MNAT1: variants seen among roughly 807,000 people sequenced by gnomAD.
The protein encoded by MNAT1 is MNAT1 component of CDK activating kinase, also known as CDK-activating kinase assembly factor MAT1.
In MNAT1, 43 loss-of-function variants were observed where a neutral mutation model predicts 42.0. The observed-to-expected ratio is 1.02, with a 90% confidence interval of 0.80 to 1.32. The LOEUF is 1.32. Ranked by LOEUF, MNAT1 falls within the 40% of genes most tolerant of loss-of-function variation. MNAT1 has a pLI of 0.00. For missense variants in MNAT1, 306 were observed against 350.4 expected (o/e 0.87, Z 1.01); for synonymous variants, 118 against 120.0 (o/e 0.98, Z 0.11).
chr14:60,922,243 A>G (rs1229908690), intron 7 of MNAT1, among the ~76,000 whole-genome samples: 1 of 152,168 alleles, frequency 6.6e-6, no homozygotes, highest in South Asian at 2.1e-4. Flanking sequence ...GTGAGTCAGA[A>G]TATAATGGAC....
intron 1 of MNAT1, among the ~76,000 whole-genome samples, chr14:60,737,851 C>CTT (rs774334245): frequency 1.6e-4 from 22 of 140,324 alleles, no homozygotes; most frequent in African/African-American, 3.1e-4. Flanking sequence ...AAACCCTATC[C>CTT]TTTTTTTTTT....
intron 1 of MNAT1, among the ~76,000 whole-genome samples, chr14:60,790,276 C>G: frequency 6.6e-6 from 1 of 152,126 alleles, no homozygotes; most frequent in East Asian, 1.9e-4. Context: ...AGGGAAAAGT[C>G]AAGCTGGGAA....
intron 6 of MNAT1, among the ~76,000 whole-genome samples, chr14:60,855,167 C>G (rs1437195950): frequency 6.6e-6 from 1 of 152,176 alleles, no homozygotes; most frequent in Non-Finnish European, 1.5e-5. Flanking sequence ...CTCCCCGCAC[C>G]AAGCTCGACT....
At chr14:60,816,920 C>T (rs1250266478) in intron 5 of MNAT1, among the ~76,000 whole-genome samples, 1 of 151,942 alleles carries the variant, frequency 6.6e-6, no homozygotes, top group Non-Finnish European at 1.5e-5. Context: ...TTTACCAAGA[C>T]ACTTTAACAT....
chr14:60,875,523 T>G (rs2034418363), intron 6 of MNAT1, among the ~76,000 whole-genome samples: 1 of 152,140 alleles, frequency 6.6e-6, no homozygotes, highest in Admixed American at 6.6e-5. Context: ...TAAAGTATGA[T>G]TAAGTACCAT....
intron 6 of MNAT1, among the ~76,000 whole-genome samples, chr14:60,853,483 A>C (rs948451788): frequency 6.6e-6 from 1 of 152,202 alleles, no homozygotes; most frequent in Non-Finnish European, 1.5e-5. Context: ...CAATCATGTC[A>C]TCTGCAAACA....
At position 60,804,599 on chromosome 14, in the gene MNAT1, C is replaced by G. The variant is rs555971477; in HGVS notation, c.317-3726C>G. Reference sequence around the variant, plus strand: ...AAAGTGCAGTGGTACTATCATAGCTCGCTGTAGCTTGAAACTCCTGGGCTC... The same window carrying G: ...AAAGTGCAGTGGTACTATCATAGCTGGCTGTAGCTTGAAACTCCTGGGCTC... On this transcript the variant is annotated intron_variant, in intron 3 of 7. Coordinates refer to ENST00000261245, the MANE Select transcript of MNAT1 (RefSeq NM_002431.4). Among the ~76,000 whole-genome samples the G allele has an allele frequency of 5.6e-4, 86 of 152,214 alleles. 2 individuals carry two copies. In the South Asian group the frequency reaches 0.017, roughly 30 times the overall value.
At chr14:60,744,193 A>ATGATCTTGGCT (rs1896551049) in intron 1 of MNAT1, among the ~76,000 whole-genome samples, 1 of 150,722 alleles carries the variant, frequency 6.6e-6, no homozygotes, top group South Asian at 2.1e-4. Flanking sequence ...GTGCAGTGGC[A>ATGATCTTGGCT]TGATCTTGGC....
intron 6 of MNAT1, among the ~76,000 whole-genome samples, chr14:60,855,510 G>C (rs1042257226): frequency 2.0e-5 from 3 of 152,170 alleles, no homozygotes; most frequent in African/African-American, 7.2e-5. Context: ...TGTAGTATCT[G>C]GGCTGGATAG....
intron 3 of MNAT1, among the ~76,000 whole-genome samples, chr14:60,805,238 T>TA (rs1407913207): frequency 2.0e-5 from 3 of 152,046 alleles, no homozygotes; most frequent in Non-Finnish European, 4.4e-5. Context: ...TTTTTAAAAG[T>TA]AGACTTTTTT....
chr14:60,935,264 CCTCT>C (rs889204184), intron 7 of MNAT1, among the ~76,000 whole-genome samples: 1 of 151,804 alleles, frequency 6.6e-6, no homozygotes, highest in African/African-American at 2.4e-5. Context: ...CCTCTCTCCC[CCTCT>C]CTTTTTTTTC....
rs546074511 is a variant in MNAT1, at chr14:60,749,620, G to A, written c.89+14669G>A. 1.3e-3 allele frequency among the ~76,000 whole-genome samples: 192 copies of A among 152,158 alleles called. 1 individual carries two copies. The highest frequency in any genetic ancestry group is 4.4e-3 in the African/African-American group (182 of 41,522). ...ATGAAGATTAGATGAGGCACAGTTC[G>A]AGTAAATTTAAGAATTCAAGTAAAT... On this transcript the variant is annotated intron_variant, in intron 1 of 7. Coordinates refer to ENST00000261245, the MANE Select transcript of MNAT1 (RefSeq NM_002431.4).
intron 7 of MNAT1, among the ~76,000 whole-genome samples, chr14:60,908,811 G>T (rs2035276827): frequency 6.6e-6 from 1 of 152,184 alleles, no homozygotes; most frequent in African/African-American, 2.4e-5. Context: ...ATAGCAGCAT[G>T]ATTTATAATT....
intron 7 of MNAT1, among the ~76,000 whole-genome samples, chr14:60,907,145 T>C (rs2035217042): frequency 6.6e-6 from 1 of 152,104 alleles, no homozygotes; most frequent in Non-Finnish European, 1.5e-5. Context: ...TCAGTGATTA[T>C]AAAGATGAAG....
At chr14:60,794,867 A>C (rs2031962357) in intron 1 of MNAT1, among the ~76,000 whole-genome samples, 1 of 151,840 alleles carries the variant, frequency 6.6e-6, no homozygotes, top group Non-Finnish European at 1.5e-5. Context: ...TATTCATTAG[A>C]ATTTCTCTTT....
chr14:60,736,411 T>C (rs997348747), intron 1 of MNAT1, among the ~76,000 whole-genome samples: 2 of 152,164 alleles, frequency 1.3e-5, no homozygotes, highest in Non-Finnish European at 2.9e-5. Flanking sequence ...TTCAGTAACA[T>C]AAATGGCATT....
rs544103534 is a variant in MNAT1 at position 60,873,060 on chromosome 14, C to T, written c.688-6654C>T. On this transcript the variant is annotated intron_variant, in intron 6 of 7. Transcript: ENST00000261245. ...AAATTCTCTAATATAGCTTAATACC[C>T]AGTCTATATTCAGATTTCCCCAATT... 5.9e-5 allele frequency among the ~76,000 whole-genome samples: 9 copies of T among 152,234 alleles called. No homozygotes were observed. In the South Asian group the frequency reaches 1.9e-3, roughly 32 times the overall value.
At chr14:60,737,396 T>A (rs1896335062) in intron 1 of MNAT1, among the ~76,000 whole-genome samples, 1 of 152,028 alleles carries the variant, frequency 6.6e-6, no homozygotes, top group South Asian at 2.1e-4. Flanking sequence ...TATATATATG[T>A]GTGTATATAT....
chr14:60,915,582 T>A (rs1444896838), intron 7 of MNAT1, among the ~76,000 whole-genome samples: 1 of 152,188 alleles, frequency 6.6e-6, no homozygotes, highest in African/African-American at 2.4e-5. Context: ...ATCTCACCAT[T>A]TGTTGCCTCT....
Sources: allele counts gnomAD v4.1 joint callset (sites outside exome capture counted in the v4.1 genomes callset), GRCh38; gene constraint gnomAD v4.1.1; transcripts MANE v1.5; gene names NCBI Gene and HGNC (gene_info 2026-07-23, HGNC 2026-07-21).